PPM1H: variants seen among roughly 807,000 people sequenced by gnomAD.
The protein encoded by PPM1H is protein phosphatase 1H.
PPM1H carries 27 observed loss-of-function variants against 54.9 expected under a neutral mutation model. The ratio of observed to expected loss-of-function variants is 0.49; its 90% CI spans 0.36 to 0.68. The LOEUF (loss-of-function observed/expected upper bound fraction) is 0.68, where lower values mean the gene tolerates loss of function less well. PPM1H is among the 30% of genes least tolerant of loss of function. The pLI, the probability that PPM1H is intolerant of heterozygous loss-of-function variation, is 0.00. For missense variants in PPM1H, 596 were observed against 667.8 expected, an observed-to-expected ratio of 0.89 and a Z score of 1.19; for synonymous variants, 305 against 270.8, an observed-to-expected ratio of 1.13 and a Z score of -1.24.
chr12:62,824,383 A>T (rs1434198605), intron 2 of PPM1H, among the ~76,000 whole-genome samples: 1 of 152,224 alleles, frequency 6.6e-6, no homozygotes, highest in Non-Finnish European at 1.5e-5. Context: ...CTTTCTTCAC[A>T]GAATTGGAAA....
intron 5 of PPM1H, among the ~76,000 whole-genome samples, chr12:62,721,972 G>GC (rs2076266550): frequency 6.6e-6 from 1 of 151,848 alleles, no homozygotes; most frequent in Admixed American, 6.6e-5. Flanking sequence ...CATTTGTGGG[G>GC]CCCGGTGAAA....
chr12:62,869,525 T>C (rs1419474590), intron 1 of PPM1H, among the ~76,000 whole-genome samples: 1 of 152,144 alleles, frequency 6.6e-6, no homozygotes, highest in Non-Finnish European at 1.5e-5. Context: ...CTAGACACAC[T>C]GCCTCTATGC....
intron 8 of PPM1H, among the ~76,000 whole-genome samples, chr12:62,688,968 C>T (rs1170861952): frequency 6.6e-6 from 1 of 152,198 alleles, no homozygotes; most frequent in Non-Finnish European, 1.5e-5. Context: ...TACACTCCAG[C>T]CTGGGCGACA....
intron 3 of PPM1H, among the ~76,000 whole-genome samples, chr12:62,801,508 G>C (rs1358202273): frequency 6.6e-6 from 1 of 152,032 alleles, no homozygotes; most frequent in African/African-American, 2.4e-5. Flanking sequence ...GTAGAGACGG[G>C]GTTTCACTAT....
chr12:62,822,176 T>C (rs1380875655), intron 2 of PPM1H, among the ~76,000 whole-genome samples: 1 of 151,846 alleles, frequency 6.6e-6, no homozygotes, highest in Non-Finnish European at 1.5e-5. Context: ...TACATAATGG[T>C]AAAGGGATCA....
chr12:62,656,555 A>C (rs1443830071), intron 9 of PPM1H, among the ~76,000 whole-genome samples: 1 of 152,218 alleles, frequency 6.6e-6, no homozygotes, highest in African/African-American at 2.4e-5. Flanking sequence ...CTATCACCGT[A>C]TCTTAAAGTT....
Position 62,832,219 on chromosome 12 carries a change from A to T in PPM1H, c.306T>A (p.Thr102=), listed in dbSNP as rs762627129. Residue 102 remains threonine, a synonymous_variant, in exon 2 of 10, where the codon ACT becomes ACA. Coordinates refer to ENST00000228705, the MANE Select transcript of PPM1H (RefSeq NM_020700.2). ...NEDQASCEVL[T]VKKKAGAVTS... is the part of the protein sequence containing the mutation. ...TCACGGCCCCTGCCTTCTTCTTCAC[A>T]GTGAGCACCTCACAGCTGGCTTGGT... 3 of 1,613,672 alleles carry T rather than the reference A, an allele frequency of 1.9e-6. No individual in the cohort carries two copies. Among genetic ancestry groups the T allele is most frequent in the Non-Finnish European group, 2.5e-6 (3 of 1,179,782 alleles).
At chr12:62,649,476 G>C (rs140610992) in intron 9 of PPM1H, among the ~76,000 whole-genome samples, 1 of 152,198 alleles carries the variant, frequency 6.6e-6, no homozygotes, top group Non-Finnish European at 1.5e-5. Context: ...TTAGCCCTGA[G>C]GCATAAAAAA....
chr12:62,780,236 ACTGT>A (rs936577830), intron 4 of PPM1H, among the ~76,000 whole-genome samples: 40 of 152,214 alleles, frequency 2.6e-4, no homozygotes, highest in Non-Finnish European at 1.3e-4. Flanking sequence ...GATTAAATTT[ACTGT>A]CTACTTAAAT....
chr12:62,855,438 G>A (rs1020269212), intron 1 of PPM1H, among the ~76,000 whole-genome samples: 17 of 152,152 alleles, frequency 1.1e-4, no homozygotes, highest in Non-Finnish European at 2.4e-4. Context: ...CTGAGGCAAT[G>A]AGCAGAAACA....
intron 1 of PPM1H, among the ~76,000 whole-genome samples, chr12:62,911,020 G>A (rs551336176): frequency 1.3e-5 from 2 of 152,322 alleles, no homozygotes; most frequent in African/African-American, 4.8e-5. Context: ...AAGAGAATGT[G>A]GGACAGAAAA....
intron 1 of PPM1H, among the ~76,000 whole-genome samples, chr12:62,879,130 C>T (rs763946205): frequency 6.6e-6 from 1 of 152,126 alleles, no homozygotes; most frequent in Non-Finnish European, 1.5e-5. Flanking sequence ...TAGGTGGGGG[C>T]GAGAGCAGGA....
intron 1 of PPM1H, among the ~76,000 whole-genome samples, chr12:62,884,216 G>A (rs994237084): frequency 3.3e-5 from 5 of 151,998 alleles, no homozygotes; most frequent in Non-Finnish European, 7.3e-5. Context: ...GACTGGGCAC[G>A]GTGACTCAAA....
chr12:62,761,709 C>T (rs570476682), intron 4 of PPM1H, among the ~76,000 whole-genome samples: 1 of 152,148 alleles, frequency 6.6e-6, no homozygotes, highest in Admixed American at 6.5e-5. Flanking sequence ...CTTATAGGAG[C>T]GTTTTGCAAG....
intron 1 of PPM1H, among the ~76,000 whole-genome samples, chr12:62,858,739 G>A (rs1206811472): frequency 1.3e-5 from 2 of 152,178 alleles, no homozygotes; most frequent in Non-Finnish European, 2.9e-5. Context: ...AGCAAATAAG[G>A]AGATATGGGT....
At chr12:62,788,572 A>G (rs1467926489) in intron 3 of PPM1H, 5 of 417,600 alleles carry the variant, frequency 1.2e-5, no homozygotes, top group Non-Finnish European at 2.1e-5. Flanking sequence ...TAGACAGCAA[A>G]CAGAAACAAT....
At chr12:62,884,829 T>A (rs1331340191) in intron 1 of PPM1H, among the ~76,000 whole-genome samples, 2 of 152,190 alleles carry the variant, frequency 1.3e-5, no homozygotes, top group Non-Finnish European at 2.9e-5. Flanking sequence ...TGTCGGCACA[T>A]CAAGGTTCTC....
chr12:62,785,424 G>A (rs996795013), intron 4 of PPM1H, among the ~76,000 whole-genome samples: 2 of 152,158 alleles, frequency 1.3e-5, no homozygotes, highest in African/African-American at 2.4e-5. Flanking sequence ...TGATCCGCCC[G>A]CCTTGGCCTC....
intron 6 of PPM1H, among the ~76,000 whole-genome samples, chr12:62,711,691 G>T (rs954595348): frequency 3.3e-5 from 5 of 152,166 alleles, no homozygotes; most frequent in African/African-American, 1.2e-4. Flanking sequence ...AGGGTCTGAG[G>T]GGGGAAGAAA....
Sources: gnomAD v4.1 joint callset for allele counts (sites outside exome capture counted in the v4.1 genomes callset) on GRCh38, gnomAD v4.1.1 for gene constraint, MANE v1.5 for transcripts, NCBI Gene and HGNC (gene_info 2026-07-23, HGNC 2026-07-21) for gene names.